NR5A2: variants seen among roughly 807,000 people sequenced by gnomAD.
The protein encoded by NR5A2 is CYP7A promoter-binding factor.
A neutral mutation model predicts 62.7 loss-of-function variants in NR5A2; 26 were observed. The ratio of observed to expected loss-of-function variants is 0.41; its 90% CI spans 0.30 to 0.58. The LOEUF (loss-of-function observed/expected upper bound fraction) is 0.58, where lower values mean the gene tolerates loss of function less well. Ranked by LOEUF, NR5A2 falls within the 20% of genes least tolerant of loss-of-function variation. The probability of loss-of-function intolerance (pLI) is 0.22; values close to 1 mark genes in which losing one functional copy is unlikely to be tolerated. For synonymous variants in NR5A2, 246 were observed against 241.7 expected (o/e 1.02, Z -0.16); for missense variants, 541 against 669.1 (o/e 0.81, Z 2.11).
At chr1:200,056,903 G>T (rs767502848) in intron 5 of NR5A2, among the ~76,000 whole-genome samples, 1 of 152,120 alleles carries the variant, frequency 6.6e-6, no homozygotes, top group African/African-American at 2.4e-5. Flanking sequence ...GTGAGAGTAG[G>T]ACCACACTGC....
chr1:200,029,599 A>T (rs1298544984), intron 1 of NR5A2: 1 of 152,338 alleles, frequency 6.6e-6, no homozygotes, highest in Non-Finnish European at 1.5e-5. Flanking sequence ...GCTGCTGGGG[A>T]CTAAACCTCA....
intron 6 of NR5A2, among the ~76,000 whole-genome samples, chr1:200,118,768 G>A (rs189282672): frequency 2.0e-5 from 3 of 152,352 alleles, no homozygotes; most frequent in Admixed American, 6.5e-5. Context: ...AAGTTCCCCT[G>A]TAAGAGAACT....
At chr1:200,067,328 G>A (rs549814858) in intron 5 of NR5A2, among the ~76,000 whole-genome samples, 5 of 152,294 alleles carry the variant, frequency 3.3e-5, no homozygotes, top group East Asian at 3.9e-4. Context: ...AGGCCAAGGC[G>A]GGGAGATCAC....
At chr1:200,034,385 A>G (rs1441424800) in intron 1 of NR5A2, among the ~76,000 whole-genome samples, 1 of 152,088 alleles carries the variant, frequency 6.6e-6, no homozygotes. Context: ...CTTTCTTAAG[A>G]CCGGATCTCC....
chr1:200,106,064 C>CTT (rs11411913), intron 5 of NR5A2, among the ~76,000 whole-genome samples: 10,780 of 147,538 alleles, frequency 0.073, 1,406 homozygotes, highest in African/African-American at 0.25. Flanking sequence ...ATTCACTCTT[C>CTT]TTTTTTTTTT....
intron 7 of NR5A2, among the ~76,000 whole-genome samples, chr1:200,126,193 A>C (rs2102318966): frequency 6.6e-6 from 1 of 152,304 alleles, no homozygotes; most frequent in Admixed American, 6.5e-5. Context: ...GGAAAAAAAC[A>C]GTATTTCTAA....
At chr1:200,126,508 A>G (rs914808726) in intron 7 of NR5A2, among the ~76,000 whole-genome samples, 1 of 152,244 alleles carries the variant, frequency 6.6e-6, no homozygotes, top group African/African-American at 2.4e-5. Flanking sequence ...CCCAACTTCT[A>G]GATTAAAAAG....
At chr1:200,089,128 AGCATCGTGAATTGCTT>A (rs1664691291) in intron 5 of NR5A2, among the ~76,000 whole-genome samples, 1 of 152,234 alleles carries the variant, frequency 6.6e-6, no homozygotes, top group African/African-American at 2.4e-5. Flanking sequence ...ACTCCACAGC[AGCATCGTGAATTGCTT>A]GCTGAAACAT....
At chr1:200,099,434 G>T (rs2102270298) in intron 5 of NR5A2, among the ~76,000 whole-genome samples, 1 of 151,688 alleles carries the variant, frequency 6.6e-6, no homozygotes, top group East Asian at 1.9e-4. Context: ...ATGCCCTCTG[G>T]AATATCCCTC....
chr1:200,083,822 G>A (rs994942879), intron 5 of NR5A2, among the ~76,000 whole-genome samples: 21 of 151,866 alleles, frequency 1.4e-4, no homozygotes, highest in Non-Finnish European at 2.8e-4. Context: ...AACATTAGCC[G>A]GGCATGGTGG....
intron 5 of NR5A2, among the ~76,000 whole-genome samples, chr1:200,069,458 A>G (rs1342170334): frequency 6.6e-6 from 1 of 152,064 alleles, no homozygotes; most frequent in African/African-American, 2.4e-5. Context: ...ACGGAGTTTC[A>G]CCATATTGGT....
rs61755054 is a variant in NR5A2, at chr1:200,048,706, G to C, written c.998G>C (p.Arg333Pro). The C allele has an allele frequency of 2.8e-3, 4,528 of 1,614,146 alleles. 92 individuals carry two copies. In the African/African-American group the frequency reaches 0.045, roughly 16 times the overall value. The change falls in exon 5 of 8, where the codon CGA becomes CCA. Residue 333 changes from arginine to proline, a missense_variant. Coordinates refer to ENST00000367362, the MANE Select transcript of NR5A2 (RefSeq NM_205860.3). This position sits in a 1 kb window ranked among gnomAD's most constrained non-coding sequence, Gnocchi z 4.8. ...MAYLQQEQAN[R>P]SKHEKLSTFG... ...TATTTGCAGCAAGAGCAGGCTAACC[G>C]AAGCAAGCACGAAAAGCTGAGCACC... is the stretch of plus-strand genomic sequence containing the variant.
At chr1:200,128,084 C>T (rs1231378489) in intron 7 of NR5A2, among the ~76,000 whole-genome samples, 1 of 152,038 alleles carries the variant, frequency 6.6e-6, no homozygotes, top group Non-Finnish European at 1.5e-5. Context: ...TTTCTAAATA[C>T]CGTCATCCCT....
At chr1:200,100,785 C>T (rs1665329128) in intron 5 of NR5A2, among the ~76,000 whole-genome samples, 1 of 152,212 alleles carries the variant, frequency 6.6e-6, no homozygotes, top group South Asian at 2.1e-4. Flanking sequence ...AAATTTTGCT[C>T]AGGAGTCCAG....
Position 200,147,202 on chromosome 1 carries a change from AG to A in NR5A2, c.1378+26253del, listed in dbSNP as rs773749785. On this transcript the variant is annotated intron_variant, in intron 7 of 7. Transcript: ENST00000367362. The surrounding 1 kb of genome is among the most constrained non-coding windows in gnomAD (Gnocchi z 4.9). ...AGCAATTGTTTCACGCAAAAAATAG[AG>A]GGGGGCACCTCGCTGAAGCCAGCGA... Among the ~76,000 whole-genome samples the A allele has an allele frequency of 6.6e-6, 1 of 152,154 alleles. No individual in the cohort carries two copies. Among genetic ancestry groups the A allele is most frequent in the Non-Finnish European group, 1.5e-5 (1 of 68,026 alleles).
chr1:200,053,569 G>GCACACACACACACACA, intron 5 of NR5A2, among the ~76,000 whole-genome samples: 1 of 142,104 alleles, frequency 7.0e-6, no homozygotes, highest in African/African-American at 2.7e-5. Flanking sequence ...GCATGCACAC[G>GCACACACACACACACA]CACACACACA....
At chr1:200,073,235 C>CAT (rs3033980) in intron 5 of NR5A2, among the ~76,000 whole-genome samples, 8,944 of 105,800 alleles carry the variant, frequency 0.085, 673 homozygotes, top group Non-Finnish European at 0.095. Context: ...CATTTACATA[C>CAT]ATATATATAT....
Position 200,157,094 on chromosome 1 carries a change from C to G in NR5A2, c.1379-16869C>G, listed in dbSNP as rs566884013. On this transcript the variant is annotated intron_variant, in intron 7 of 7. Coordinates refer to ENST00000367362, the MANE Select transcript of NR5A2 (RefSeq NM_205860.3). ...GATATTTCTTGTTCAATTAAGTCAT[C>G]ATTGCAGAAAGATGAAACAGATGAT... Among the ~76,000 whole-genome samples the G allele has an allele frequency of 3.9e-5, 6 of 152,274 alleles. No individual in the cohort carries two copies. The East Asian group carries it at 9.6e-4, about 24-fold the overall frequency.
At chr1:200,160,492 C>G (rs1248347722) in intron 7 of NR5A2, among the ~76,000 whole-genome samples, 2 of 152,160 alleles carry the variant, frequency 1.3e-5, no homozygotes, top group East Asian at 3.8e-4. Context: ...GGGCTCTTAG[C>G]CTCACTCACA....
Sources: gnomAD v4.1 joint callset for allele counts (sites outside exome capture counted in the v4.1 genomes callset) on GRCh38, gnomAD v4.1.1 for gene constraint, Gnocchi (gnomAD v3.1) non-coding constraint, MANE v1.5 for transcripts, NCBI Gene and HGNC (gene_info 2026-07-23, HGNC 2026-07-21) for gene names.